Variants in CDH13 observed in about 807,000 individuals in gnomAD.
CDH13 encodes cadherin-13.
A neutral mutation model predicts 63.8 loss-of-function variants in CDH13; 24 were observed. That is an observed-to-expected ratio of 0.38 (90% CI 0.27 to 0.53). The LOEUF (loss-of-function observed/expected upper bound fraction) is 0.53. CDH13 is among the 20% of genes least tolerant of loss of function. The probability of loss-of-function intolerance (pLI) is 0.85; values close to 1 mark genes in which losing one functional copy is unlikely to be tolerated. For missense variants in CDH13, 1,049 were observed against 903.1 expected (o/e 1.16, Z -2.07); for synonymous variants, 503 against 355.3 (o/e 1.42, Z -4.67).
intron 1 of CDH13, among the ~76,000 whole-genome samples, chr16:82,683,176 G>C (rs1397347861): frequency 6.6e-6 from 1 of 152,172 alleles, no homozygotes; most frequent in Non-Finnish European, 1.5e-5. Context: ...GCCCTGGTGT[G>C]GTCTTACTAA....
At position 83,482,491 on chromosome 16, in the gene CDH13, G is replaced by C. The variant is rs116065383; in HGVS notation, c.782-3986G>C. The stretch of plus-strand genomic sequence containing the variant: ...AACCTTGCTTTGCGGTGTTTGCCAC[G>C]TATTTCCCAAATCTGTTTCTCGACT... On this transcript the variant is annotated intron_variant, in intron 6 of 13. Transcript: ENST00000567109. Among the ~76,000 whole-genome samples, 756 of 152,344 alleles carry C rather than the reference G, an allele frequency of 5.0e-3. 6 individuals are homozygous for C. The highest frequency in any genetic ancestry group is 0.017 in the African/African-American group (714 of 41,580).
intron 4 of CDH13, among the ~76,000 whole-genome samples, chr16:83,189,943 C>A (rs186770141): frequency 5.7e-4 from 87 of 152,294 alleles, no homozygotes; most frequent in Non-Finnish European, 1.1e-3. Flanking sequence ...TTCCCCTGCA[C>A]AAGCTCTCTT....
At chr16:83,280,674 C>T (rs1023487768) in intron 5 of CDH13, among the ~76,000 whole-genome samples, 9 of 92,824 alleles carry the variant, frequency 9.7e-5, no homozygotes, top group African/African-American at 3.8e-4. Flanking sequence ...CATATGCCAG[C>T]TATGGCCTAC....
In CDH13 at chr16:83,481,493, C is replaced by G. The variant is rs530162290; in HGVS notation, c.782-4984C>G. ...GTCACAGGAAAGCAAAACTTCAAAG[C>G]TGGCTTTCAAGGTCAAGAAACCAGG... On this transcript the variant is annotated intron_variant, in intron 6 of 13. Coordinates refer to ENST00000567109, the MANE Select transcript of CDH13 (RefSeq NM_001257.5). Among the ~76,000 whole-genome samples, 201 of 152,296 alleles carry G rather than the reference C, an allele frequency of 1.3e-3. 4 individuals carry two copies. The South Asian group carries it at 0.038, about 29-fold the overall frequency.
chr16:82,834,500 G>A (rs892041622), intron 1 of CDH13, among the ~76,000 whole-genome samples: 1 of 152,160 alleles, frequency 6.6e-6, no homozygotes, highest in African/African-American at 2.4e-5. Context: ...ATAAAGAGGT[G>A]CCTTCCATTG....
intron 7 of CDH13, among the ~76,000 whole-genome samples, chr16:83,536,542 G>C (rs1367518602): frequency 1.3e-5 from 2 of 151,704 alleles, no homozygotes; most frequent in African/African-American, 4.9e-5. Context: ...GCCACCAAGA[G>C]CTGAACACCC....
Position 83,561,284 on chromosome 16 carries a change from T to TAA in CDH13, c.961-41159_961-41158dup, listed in dbSNP as rs35203238. 6.2e-5 allele frequency among the ~76,000 whole-genome samples: 9 copies of TAA among 145,200 alleles called. 1 individual carries two copies. The South Asian group carries it at 6.6e-4, about 11-fold the overall frequency. On this transcript the variant is annotated intron_variant, in intron 7 of 13. Coordinates refer to ENST00000567109, the MANE Select transcript of CDH13 (RefSeq NM_001257.5). Reference sequence around the variant, plus strand: ...CAACATGGAGAAATCCCATCTCTACTAAAAAAAAAAAATTAGCCAGGTGTG... The same window carrying TAA: ...CAACATGGAGAAATCCCATCTCTACTAAAAAAAAAAAAAATTAGCCAGGTGTG...
chr16:82,782,766 G>A (rs1402211647), intron 1 of CDH13, among the ~76,000 whole-genome samples: 4 of 152,140 alleles, frequency 2.6e-5, no homozygotes, highest in Non-Finnish European at 5.9e-5. Context: ...CCTTCTGTCT[G>A]CCTTACTCCC....
intron 8 of CDH13, among the ~76,000 whole-genome samples, chr16:83,617,602 T>C (rs922563868): frequency 3.8e-4 from 58 of 151,426 alleles, no homozygotes; most frequent in Non-Finnish European, 2.7e-4. Context: ...TATTCTAATA[T>C]GTACATATCT....
intron 5 of CDH13, among the ~76,000 whole-genome samples, chr16:83,290,863 C>G (rs537944651): frequency 1.5e-4 from 23 of 152,160 alleles, no homozygotes; most frequent in African/African-American, 3.1e-4. Flanking sequence ...ACTGTTCTCT[C>G]TGCCTACTGC....
intron 8 of CDH13, among the ~76,000 whole-genome samples, chr16:83,619,660 C>G (rs1909626667): frequency 6.6e-6 from 1 of 152,236 alleles, no homozygotes. Flanking sequence ...CCATCTACAC[C>G]TGGCTTCTCC....
chr16:83,279,270 A>G (rs2089088733), intron 5 of CDH13, among the ~76,000 whole-genome samples: 1 of 152,190 alleles, frequency 6.6e-6, no homozygotes, highest in Non-Finnish European at 1.5e-5. Flanking sequence ...GATCTGAAGT[A>G]GAAGAGAAAG....
chr16:83,377,245 G>C (rs2091476559), intron 6 of CDH13, among the ~76,000 whole-genome samples: 1 of 152,126 alleles, frequency 6.6e-6, no homozygotes, highest in Non-Finnish European at 1.5e-5. Flanking sequence ...AAAGGAGGGA[G>C]GGGTTTATGT....
chr16:82,936,830 G>T (rs1462790689), intron 2 of CDH13, among the ~76,000 whole-genome samples: 1 of 121,698 alleles, frequency 8.2e-6, no homozygotes, highest in Non-Finnish European at 1.6e-5. Flanking sequence ...CAGGTGGGGA[G>T]TGGGGGAGGT....
chr16:83,309,124 G>A (rs188761735), intron 5 of CDH13, among the ~76,000 whole-genome samples: 1 of 152,058 alleles, frequency 6.6e-6, no homozygotes, highest in Non-Finnish European at 1.5e-5. Flanking sequence ...TGACTTTCCT[G>A]TTTCTTCTGC....
chr16:83,066,712 C>T (rs889654622), intron 3 of CDH13, among the ~76,000 whole-genome samples: 1 of 152,178 alleles, frequency 6.6e-6, no homozygotes, highest in African/African-American at 2.4e-5. Context: ...AGCAAATTCT[C>T]GCCCGGTGTG....
At position 82,669,439 on chromosome 16, in the gene CDH13, C is replaced by G. The variant is rs571024230; in HGVS notation, c.45+42302C>G. On this transcript the variant is annotated intron_variant, in intron 1 of 13. Coordinates refer to ENST00000567109, the MANE Select transcript of CDH13 (RefSeq NM_001257.5). The stretch of plus-strand genomic sequence containing the variant: ...AAATAGTGGGTCTTTTAGGACTTAC[C>G]CATTGAGCCTTTTATTTTAAGTGAC... Among the ~76,000 whole-genome samples, 415 of 152,228 alleles carry G rather than the reference C, an allele frequency of 2.7e-3. 2 individuals are homozygous for G. Among genetic ancestry groups the G allele is most frequent in the African/African-American group, 9.7e-3 (401 of 41,542 alleles).
chr16:83,485,620 T>G (rs1598129756), intron 6 of CDH13, among the ~76,000 whole-genome samples: 1 of 152,182 alleles, frequency 6.6e-6, no homozygotes, highest in East Asian at 1.9e-4. Flanking sequence ...GCCTACTCTC[T>G]TCTTACGGGT....
intron 7 of CDH13, among the ~76,000 whole-genome samples, chr16:83,537,023 GC>G (rs1209717131): frequency 6.6e-6 from 1 of 152,184 alleles, no homozygotes; most frequent in Non-Finnish European, 1.5e-5. Flanking sequence ...GAGAACTAAG[GC>G]AGAATTTTAA....
Sources: gnomAD v4.1 joint callset for allele counts (sites outside exome capture counted in the v4.1 genomes callset) on GRCh38, gnomAD v4.1.1 for gene constraint, MANE v1.5 for transcripts, NCBI Gene and HGNC (gene_info 2026-07-23, HGNC 2026-07-21) for gene names.